FGFR2: variants seen among roughly 807,000 people sequenced by gnomAD.
FGFR2 encodes the protein BEK fibroblast growth factor receptor.
In FGFR2, 19 loss-of-function variants were observed where a neutral mutation model predicts 95.9. The ratio of observed to expected loss-of-function variants is 0.20; its 90% CI spans 0.14 to 0.29. The LOEUF is 0.29. Ranked by LOEUF, FGFR2 falls within the 10% of genes least tolerant of loss-of-function variation. FGFR2 has a pLI of 1.00. For missense variants in FGFR2, 707 were observed against 1,056.9 expected (o/e 0.67, Z 4.59); for synonymous variants, 392 against 393.3 (o/e 1.00, Z 0.04).
At chr10:121,573,947 C>G (rs962201976) in intron 2 of FGFR2, among the ~76,000 whole-genome samples, 2 of 152,148 alleles carry the variant, frequency 1.3e-5, no homozygotes, top group Non-Finnish European at 2.9e-5. Flanking sequence ...AGTCCGGCTG[C>G]AAATGTCGCT....
At chr10:121,549,541 T>C (rs1855062497) in intron 5 of FGFR2, among the ~76,000 whole-genome samples, 1 of 152,208 alleles carries the variant, frequency 6.6e-6, no homozygotes, top group Non-Finnish European at 1.5e-5. Flanking sequence ...CTCCCTAGTG[T>C]CTTGCTTAAT....
chr10:121,574,054 G>A (rs1859294211), intron 2 of FGFR2, among the ~76,000 whole-genome samples: 1 of 152,190 alleles, frequency 6.6e-6, no homozygotes, highest in African/African-American at 2.4e-5. Context: ...TCTGGAAGAT[G>A]TCCTGTAGTG....
In FGFR2 at chr10:121,485,627, GA is replaced by G; in HGVS notation, c.2058-96del. The stretch of plus-strand genomic sequence containing the variant: ...GAGACATAAACACCTCCTCACTTCT[GA>G]AGTTCAAAGACAAATGGGCCCTCCT... On this transcript the variant is annotated intron_variant, in intron 15 of 17. Transcript: ENST00000358487. This position sits in a 1 kb window ranked among gnomAD's most constrained non-coding sequence, Gnocchi z 4.2. 6.5e-7 allele frequency: 1 copy of G among 1,548,776 alleles called. No individual in the cohort carries two copies. Among genetic ancestry groups the G allele is most frequent in the African/African-American group, 1.4e-5 (1 of 73,768 alleles).
At chr10:121,542,153 G>A (rs1192353121) in intron 5 of FGFR2, among the ~76,000 whole-genome samples, 1 of 152,054 alleles carries the variant, frequency 6.6e-6, no homozygotes, top group Non-Finnish European at 1.5e-5. Context: ...ATGAAAAACA[G>A]TTAATTCATG....
At chr10:121,551,809 G>A (rs148917184) in intron 4 of FGFR2, among the ~76,000 whole-genome samples, 55 of 152,086 alleles carry the variant, frequency 3.6e-4, no homozygotes, top group African/African-American at 1.3e-3. Context: ...CGACAGCTCA[G>A]TCCTCCAAAA....
At chr10:121,498,820 A>G (rs1375954079) in intron 11 of FGFR2, among the ~76,000 whole-genome samples, 2 of 152,218 alleles carry the variant, frequency 1.3e-5, no homozygotes, top group African/African-American at 4.8e-5. Context: ...TGGGGGGCCA[A>G]TGGGGCCAAG....
intron 2 of FGFR2, among the ~76,000 whole-genome samples, chr10:121,570,848 A>G (rs550524743): frequency 1.8e-4 from 28 of 152,374 alleles, no homozygotes; most frequent in African/African-American, 6.5e-4. Flanking sequence ...CCTTCCTGGG[A>G]CACAGCTCAA....
At chr10:121,582,054 C>G (rs934260122) in intron 2 of FGFR2, among the ~76,000 whole-genome samples, 8 of 152,076 alleles carry the variant, frequency 5.3e-5, no homozygotes, top group Admixed American at 5.2e-4. Context: ...GCCTCCGCCC[C>G]CCAAGTACCT....
chr10:121,544,807 G>T (rs1038499251), intron 5 of FGFR2, among the ~76,000 whole-genome samples: 1 of 150,396 alleles, frequency 6.6e-6, no homozygotes, highest in African/African-American at 2.5e-5. Flanking sequence ...GACTTAAATG[G>T]TAGATTTTAT....
At chr10:121,586,265 T>C (rs1029691363) in intron 2 of FGFR2, among the ~76,000 whole-genome samples, 1 of 152,226 alleles carries the variant, frequency 6.6e-6, no homozygotes, top group African/African-American at 2.4e-5. Context: ...AGAAAGGCGC[T>C]ACATAAATCA....
intron 5 of FGFR2, among the ~76,000 whole-genome samples, chr10:121,543,567 A>G (rs1045645218): frequency 2.0e-5 from 3 of 152,128 alleles, no homozygotes; most frequent in Non-Finnish European, 4.4e-5. Flanking sequence ...CCAGTCCCCC[A>G]CTTTCAGCAG....
intron 2 of FGFR2, among the ~76,000 whole-genome samples, chr10:121,577,020 A>C (rs991645404): frequency 1.5e-4 from 23 of 148,950 alleles, no homozygotes; most frequent in South Asian, 6.6e-4. Flanking sequence ...CTATAGTCCC[A>C]GCTACTCGGG....
rs772633227 is a variant in FGFR2, at chr10:121,487,444, T to A, written c.1987-20A>T. ...CCGCCCCTGCAAATGTAGAGGAAAA[T>A]GCAAAAACTAAATATATTTAAAAGA... On this transcript the variant is annotated intron_variant, in intron 14 of 17. Transcript: ENST00000358487. 16 of 1,605,440 alleles carry A rather than the reference T, an allele frequency of 1.0e-5. No homozygotes were observed. In the Middle Eastern group the frequency reaches 5.0e-4, roughly 50 times the overall value.
intron 2 of FGFR2, among the ~76,000 whole-genome samples, chr10:121,570,586 C>T (rs1270678600): frequency 1.3e-5 from 2 of 152,212 alleles, no homozygotes; most frequent in Admixed American, 1.3e-4. Flanking sequence ...CTTTCCTGTG[C>T]GAATCCACCA....
In FGFR2 at chr10:121,515,113, T is replaced by C. The variant is rs1849529539; in HGVS notation, c.1287+4A>G. On this transcript the variant is annotated splice_donor_region_variant and intron_variant, in intron 9 of 17. Coordinates refer to ENST00000358487, the MANE Select transcript of FGFR2 (RefSeq NM_000141.5). Reference sequence around the variant, plus strand: ...AAATTTCTTTAAACTCTTTATCTACTTTCTGTTACCTGTCTCCGCAGGGGG... The same window carrying C: ...AAATTTCTTTAAACTCTTTATCTACCTTCTGTTACCTGTCTCCGCAGGGGG... The C allele has an allele frequency of 6.2e-7, 1 of 1,613,736 alleles. No individual in the cohort carries two copies. The highest frequency in any genetic ancestry group is 8.5e-7 in the Non-Finnish European group (1 of 1,179,790).
chr10:121,593,270 T>C (rs550124595), intron 2 of FGFR2, among the ~76,000 whole-genome samples: 37 of 152,324 alleles, frequency 2.4e-4, no homozygotes, highest in African/African-American at 8.2e-4. Flanking sequence ...CCTTAAACAA[T>C]GAAAATAAGA....
Position 121,500,384 on chromosome 10 carries a change from G to A in FGFR2, c.1561+442C>T, listed in dbSNP as rs1189042462. On this transcript the variant is annotated intron_variant, in intron 11 of 17. Coordinates refer to ENST00000358487, the MANE Select transcript of FGFR2 (RefSeq NM_000141.5). ...TTTCTGCTTTGTTCCTCACGCAAAAGAGAAGGCTTTCTGCTCCCTTACGTC... is the reference window on the plus strand; with the variant it reads ...TTTCTGCTTTGTTCCTCACGCAAAAAAGAAGGCTTTCTGCTCCCTTACGTC... 2.6e-5 allele frequency among the ~76,000 whole-genome samples: 4 copies of A among 152,134 alleles called. No homozygotes were observed. The East Asian group carries it at 7.7e-4, about 29-fold the overall frequency.
intron 4 of FGFR2, chr10:121,564,182 G>T: frequency 2.5e-6 from 1 of 399,146 alleles, no homozygotes. Context: ...AAACCAAGAT[G>T]TTACATGGTT....
chr10:121,501,053 G>GCTT, intron 10 of FGFR2, 106 bp from the exon 11 acceptor site: 1 of 1,497,514 alleles, frequency 6.7e-7, no homozygotes, highest in Non-Finnish European at 9.1e-7. Context: ...ACTAAAGCAT[G>GCTT]GAGTGCTTAT....
Sources: allele counts gnomAD v4.1 joint callset (sites outside exome capture counted in the v4.1 genomes callset), GRCh38; gene constraint gnomAD v4.1.1; non-coding constraint Gnocchi (gnomAD v3.1); transcripts MANE v1.5; gene names NCBI Gene and HGNC (gene_info 2026-07-23, HGNC 2026-07-21).